CCSER1: variants seen among roughly 807,000 people sequenced by gnomAD.
CCSER1 encodes the protein coiled-coil serine rich protein 1, also known as serine-rich coiled-coil domain-containing protein 1.
A neutral mutation model predicts 82.0 loss-of-function variants in CCSER1; 41 were observed. That is an observed-to-expected ratio of 0.50 (90% CI 0.39 to 0.65). The LOEUF (loss-of-function observed/expected upper bound fraction) is 0.65, where lower values mean the gene tolerates loss of function less well. Among genes scored for constraint, CCSER1 ranks in the 30% least tolerant of loss-of-function variants. CCSER1 has a pLI of 0.00. For synonymous variants in CCSER1, 414 were observed against 383.9 expected, an observed-to-expected ratio of 1.08 and a Z score of -0.92; for missense variants, 1,119 against 1,064.2, an observed-to-expected ratio of 1.05 and a Z score of -0.72.
intron 8 of CCSER1, among the ~76,000 whole-genome samples, chr4:90,822,445 T>G (rs1160167627): frequency 6.6e-6 from 1 of 152,148 alleles, no homozygotes; most frequent in Non-Finnish European, 1.5e-5. Flanking sequence ...CATATGTGTT[T>G]TGGCTGGGCC....
intron 9 of CCSER1, among the ~76,000 whole-genome samples, chr4:91,085,358 T>C (rs137927777): frequency 2.1e-3 from 324 of 152,262 alleles, no homozygotes; most frequent in South Asian, 5.0e-3. Context: ...ATGACAAAAT[T>C]GACTTGCTAA....
At chr4:90,200,589 A>G (rs989879745) in intron 1 of CCSER1, among the ~76,000 whole-genome samples, 1 of 152,122 alleles carries the variant, frequency 6.6e-6, no homozygotes, top group Non-Finnish European at 1.5e-5. Context: ...CTTAGGAAAC[A>G]GATAAGATTA....
At chr4:90,855,437 A>C (rs1042320471) in intron 8 of CCSER1, among the ~76,000 whole-genome samples, 2 of 152,174 alleles carry the variant, frequency 1.3e-5, no homozygotes, top group Admixed American at 1.3e-4. Flanking sequence ...TTATTAAATA[A>C]ATATTTTGTT....
chr4:90,426,505 G>A (rs992079316), intron 4 of CCSER1, among the ~76,000 whole-genome samples: 3 of 152,012 alleles, frequency 2.0e-5, no homozygotes, highest in African/African-American at 4.8e-5. Flanking sequence ...TTATGAGCAG[G>A]AATCAATATA....
intron 1 of CCSER1, among the ~76,000 whole-genome samples, chr4:90,253,065 T>G (rs1197252570): frequency 6.6e-6 from 1 of 152,066 alleles, no homozygotes; most frequent in Non-Finnish European, 1.5e-5. Flanking sequence ...TATGGTTGGA[T>G]TTGTCATTTA....
chr4:91,208,946 T>C (rs757958581), intron 10 of CCSER1, among the ~76,000 whole-genome samples: 4 of 152,000 alleles, frequency 2.6e-5, no homozygotes, highest in Admixed American at 1.3e-4. Flanking sequence ...GTTTGCTGTA[T>C]TCCTAGGTAT....
In CCSER1 at chr4:90,602,334, T is replaced by G. The variant is rs566500937; in HGVS notation, c.1725-25691T>G. On this transcript the variant is annotated intron_variant, in intron 5 of 10. Transcript: ENST00000509176. Reference sequence around the variant, plus strand: ...CTATTATTAATATAACCTCCTCTTTTTATGTAGTTAATGTTTGTATTATAT... The same window carrying G: ...CTATTATTAATATAACCTCCTCTTTGTATGTAGTTAATGTTTGTATTATAT... 4.6e-5 allele frequency among the ~76,000 whole-genome samples: 7 copies of G among 152,312 alleles called. No individual in the cohort carries two copies. In the South Asian group the frequency reaches 1.0e-3, roughly 23 times the overall value.
At chr4:90,758,950 T>G (rs889005543) in intron 7 of CCSER1, among the ~76,000 whole-genome samples, 1 of 152,108 alleles carries the variant, frequency 6.6e-6, no homozygotes, top group Non-Finnish European at 1.5e-5. Context: ...GTATTTGAAT[T>G]TTTCCCATTC....
At chr4:90,303,338 G>A (rs1380959059) in intron 1 of CCSER1, among the ~76,000 whole-genome samples, 8 of 152,148 alleles carry the variant, frequency 5.3e-5, no homozygotes, top group East Asian at 1.9e-4. Flanking sequence ...AGCCTGCATC[G>A]CCAAGTCAAT....
intron 4 of CCSER1, among the ~76,000 whole-genome samples, chr4:90,411,438 C>T (rs1280934491): frequency 6.6e-6 from 1 of 152,214 alleles, no homozygotes; most frequent in Non-Finnish European, 1.5e-5. Flanking sequence ...ATCACATGGG[C>T]TTCATCCCTG....
At chr4:90,604,606 C>CCA (rs1451226882) in intron 5 of CCSER1, among the ~76,000 whole-genome samples, 1 of 152,184 alleles carries the variant, frequency 6.6e-6, no homozygotes, top group African/African-American at 2.4e-5. Flanking sequence ...CTTCCGGGAT[C>CCA]CACTAGGCAA....
intron 1 of CCSER1, among the ~76,000 whole-genome samples, chr4:90,164,026 C>T (rs1729979197): frequency 6.6e-6 from 1 of 152,054 alleles, no homozygotes; most frequent in Non-Finnish European, 1.5e-5. Flanking sequence ...TGGGTGTTTG[C>T]TGCTGTCTTG....
intron 1 of CCSER1, among the ~76,000 whole-genome samples, chr4:90,269,292 C>A (rs7698840): frequency 0.049 from 7,380 of 152,134 alleles, 477 homozygotes; most frequent in African/African-American, 0.15. Context: ...GGTCAAAAAA[C>A]AAGTCTTAAA....
intron 6 of CCSER1, among the ~76,000 whole-genome samples, chr4:90,709,694 T>C (rs561225210): frequency 2.7e-4 from 41 of 152,290 alleles, no homozygotes; most frequent in African/African-American, 9.4e-4. Context: ...TTGATGGGCA[T>C]TTAGGTTGAT....
intron 8 of CCSER1, among the ~76,000 whole-genome samples, chr4:90,862,940 TTTA>T (rs750400483): frequency 7.3e-5 from 11 of 150,092 alleles, no homozygotes; most frequent in African/African-American, 1.7e-4. Context: ...ACAATTTCTT[TTTA>T]TTATTATTAT....
intron 10 of CCSER1, among the ~76,000 whole-genome samples, chr4:91,134,311 C>T (rs773819720): frequency 8.6e-5 from 13 of 151,734 alleles, no homozygotes; most frequent in Non-Finnish European, 1.5e-4. Flanking sequence ...GTGAAAGGAT[C>T]ACTTGAGCCC....
At chr4:91,469,640 C>T (rs557357077) in intron 10 of CCSER1, among the ~76,000 whole-genome samples, 36 of 152,266 alleles carry the variant, frequency 2.4e-4, no homozygotes, top group African/African-American at 8.2e-4. Flanking sequence ...AGGTCAAATA[C>T]TCAATGCTCT....
chr4:90,952,730 A>G (rs1733043368), intron 9 of CCSER1, among the ~76,000 whole-genome samples: 1 of 152,032 alleles, frequency 6.6e-6, no homozygotes, highest in South Asian at 2.1e-4. Flanking sequence ...TTAGCTCTGT[A>G]TAGTTCTGTT....
At chr4:90,946,448 T>C (rs1399019168) in intron 9 of CCSER1, among the ~76,000 whole-genome samples, 1 of 152,076 alleles carries the variant, frequency 6.6e-6, no homozygotes, top group Non-Finnish European at 1.5e-5. Context: ...CTGGCCAACG[T>C]GGTGAAAACT....
Sources: allele counts gnomAD v4.1 joint callset (sites outside exome capture counted in the v4.1 genomes callset), GRCh38; gene constraint gnomAD v4.1.1; transcripts MANE v1.5; gene names NCBI Gene and HGNC (gene_info 2026-07-23, HGNC 2026-07-21).